WASHC2A: variants seen among roughly 807,000 people sequenced by gnomAD.
WASHC2A encodes WASH complex subunit 2A.
Under a neutral mutation model 140.3 loss-of-function variants are expected in WASHC2A, and 82 were observed. The observed-to-expected ratio is 0.58, with a 90% CI of 0.49 to 0.70. WASHC2A has a LOEUF of 0.70. WASHC2A is among the 30% of genes least tolerant of loss of function. WASHC2A has a pLI of 0.00. For missense variants in WASHC2A, 985 were observed against 1,521.8 expected (o/e 0.65, Z 5.87); for synonymous variants, 340 against 560.8 (o/e 0.61, Z 5.56).
rs782595391 is a variant in WASHC2A at position 50,068,127 on chromosome 10, A to G, written c.26A>G (p.Gln9Arg). Residue 9 changes from glutamine (Q) to arginine (R), a missense_variant, in exon 2 of 31, where the codon CAG becomes CGG. By Grantham distance (43) the Gln-to-Arg change is conservative. Coordinates refer to ENST00000282633, the MANE Select transcript of WASHC2A (RefSeq NM_001005751.3). ...CAGATGAACCGGACGACCCCCGACC[A>G]GGAGCTGGCGCCAGCGTCGGAGCCC... MMNRTTPD[Q>R]ELAPASEPVW... 6.2e-7 allele frequency: 1 copy of G among 1,604,774 alleles called. No homozygotes were observed. The highest frequency in any genetic ancestry group is 1.1e-5 in the South Asian group (1 of 90,790).
At chr10:50,090,516 ATAT>A (rs1233632865) in intron 8 of WASHC2A, among the ~76,000 whole-genome samples, 581 of 42,286 alleles carry the variant, frequency 0.014, 6 homozygotes, top group Non-Finnish European at 0.023. Flanking sequence ...AAAAAAAAAA[ATAT>A]ATATATATAT....
At chr10:50,102,034 T>G (rs1841246841) in intron 17 of WASHC2A, among the ~76,000 whole-genome samples, 1 of 152,200 alleles carries the variant, frequency 6.6e-6, no homozygotes, top group African/African-American at 2.4e-5. Context: ...GCTTCATTTG[T>G]TGGCCAAGAT....
chr10:50,074,402 A>G (rs1329837210), intron 3 of WASHC2A, among the ~76,000 whole-genome samples: 1 of 150,122 alleles, frequency 6.7e-6, no homozygotes, highest in Non-Finnish European at 1.5e-5. Context: ...ATAGGTAACC[A>G]TGGTAGCTGC....
At chr10:50,089,978 C>T (rs1407916006) in intron 8 of WASHC2A, among the ~76,000 whole-genome samples, 3 of 150,790 alleles carry the variant, frequency 2.0e-5, no homozygotes, top group African/African-American at 7.3e-5. Context: ...GGCGTGGTGG[C>T]GGGTGCCTGT....
Position 50,068,334 on chromosome 10 carries a change from G to A in WASHC2A, c.126+107G>A, listed in dbSNP as rs544895478. On this transcript the variant is annotated intron_variant, in intron 2 of 30. Coordinates refer to ENST00000282633, the MANE Select transcript of WASHC2A (RefSeq NM_001005751.3). ...CTGCACCTGGCCCGTCCCGTTGCCT[G>A]CCCTCTTAGGAACACACGCCCCGTT... 682 of 1,226,588 alleles carry A rather than the reference G, an allele frequency of 5.6e-4. 1 individual carries two copies. Among genetic ancestry groups the A allele is most frequent in the Non-Finnish European group, 6.7e-4 (611 of 909,672 alleles). The allele number at this position is 1,226,588 out of a possible 1,614,324, so 76.0% of individuals were successfully genotyped here.
At chr10:50,078,333 T>C (rs1481101676) in intron 3 of WASHC2A, among the ~76,000 whole-genome samples, 1 of 152,270 alleles carries the variant, frequency 6.6e-6, no homozygotes, top group Admixed American at 6.5e-5. Context: ...GTCAGAATAC[T>C]GTATCATTGC....
chr10:50,077,291 C>T (rs1838450788), intron 3 of WASHC2A, among the ~76,000 whole-genome samples: 1 of 151,800 alleles, frequency 6.6e-6, no homozygotes, highest in South Asian at 2.1e-4. Context: ...TAGACTCTGT[C>T]TCTAAATAAA....
rs1044636 is a variant in WASHC2A at position 50,133,002 on chromosome 10, G to A, written c.*57G>A. ...GCTACATTGTTGAGTTAGTGATGATGTTGTATATGCTGATGGTCTTAACTG... is the reference window on the plus strand; with the variant it reads ...GCTACATTGTTGAGTTAGTGATGATATTGTATATGCTGATGGTCTTAACTG... On this transcript the variant is annotated 3_prime_UTR_variant, in exon 31 of 31. Coordinates refer to ENST00000282633, the MANE Select transcript of WASHC2A (RefSeq NM_001005751.3). 9 of 1,611,700 alleles carry A rather than the reference G, an allele frequency of 5.6e-6. No homozygotes were observed. The highest frequency in any genetic ancestry group is 2.2e-4 in the Middle Eastern group (1 of 4,452).
Position 50,097,709 on chromosome 10 carries a change from C to T in WASHC2A, c.1455C>T (p.Asp485=), listed in dbSNP as rs1301619808. 87 of 1,599,064 alleles carry T rather than the reference C, an allele frequency of 5.4e-5. No homozygotes were observed. In the East Asian group the frequency reaches 6.9e-4, roughly 13 times the overall value. ...KVQSTADIFG[D]EEGDLFKEKA... ...AATCCACTGCCGATATCTTTGGTGA[C>T]GAAGAAGGAGATCTGTTCAAAGAAA... The change falls in exon 16 of 31, where the codon GAC becomes GAT. Residue 485 remains aspartate (D), a synonymous_variant. Coordinates refer to ENST00000282633, the MANE Select transcript of WASHC2A (RefSeq NM_001005751.3).
intron 27 of WASHC2A, 92 bp from the exon 28 acceptor site, chr10:50,127,491 A>G (rs1843536974): frequency 2.5e-6 from 4 of 1,611,960 alleles, no homozygotes; most frequent in Non-Finnish European, 2.5e-6. Context: ...CGTATTATAC[A>G]TTATGTGCAC....
intron 8 of WASHC2A, among the ~76,000 whole-genome samples, chr10:50,088,109 A>T (rs1247272154): frequency 4.6e-5 from 7 of 151,748 alleles, no homozygotes; most frequent in Admixed American, 1.3e-4. Flanking sequence ...GTGAGCCACC[A>T]TGCCTGGCCT....
chr10:50,125,668 A>G (rs1327233528), intron 25 of WASHC2A, among the ~76,000 whole-genome samples: 1 of 152,210 alleles, frequency 6.6e-6, no homozygotes, highest in Non-Finnish European at 1.5e-5. Context: ...TTAAAACATT[A>G]ATAATCCAGG....
chr10:50,075,768 G>C (rs10797293), intron 3 of WASHC2A, among the ~76,000 whole-genome samples: 27,701 of 151,464 alleles, frequency 0.18, 3,147 homozygotes, highest in East Asian at 0.58. Context: ...TTTCTCTGCT[G>C]TTTGCCAGTA....
chr10:50,129,648 G>T lies in WASHC2A; in HGVS notation c.3317G>T (p.Gly1106Val), dbSNP rs1412402899. The T allele has an allele frequency of 6.8e-6, 11 of 1,611,972 alleles. No individual in the cohort carries two copies. The Admixed American group carries it at 1.8e-4, about 27-fold the overall frequency. The change falls in exon 29 of 31, where the codon GGT becomes GTT. Residue 1106 changes from glycine to valine, a missense_variant. Gly to Val is a moderately radical substitution (Grantham distance 109). Transcript: ENST00000282633. ...LAAAAAPWEG[G>V]PVPGVDRSPF... ...GCTGCCGCTGCACCTTGGGAAGGTG[G>T]TCCTGTGCCTGGAGTGGACAGAAGC...
At chr10:50,091,986 T>C (rs1480145393) in intron 10 of WASHC2A, among the ~76,000 whole-genome samples, 176 bp from the exon 11 acceptor site, 4 of 152,228 alleles carry the variant, frequency 2.6e-5, no homozygotes, top group African/African-American at 4.8e-5. Context: ...ACAAAGAGAC[T>C]CTTGAGTGCC....
intron 30 of WASHC2A, among the ~76,000 whole-genome samples, chr10:50,131,683 C>A (rs1843986756): frequency 6.6e-6 from 1 of 152,166 alleles, no homozygotes; most frequent in Non-Finnish European, 1.5e-5. Context: ...GGGCTGAGGC[C>A]ACATACACAT....
At chr10:50,090,141 C>T (rs1374860680) in intron 8 of WASHC2A, among the ~76,000 whole-genome samples, 2 of 151,798 alleles carry the variant, frequency 1.3e-5, no homozygotes, top group African/African-American at 4.8e-5. Flanking sequence ...AAATATTTCT[C>T]TAGTAAGCCA....
chr10:50,101,658 G>A (rs1554886836), intron 17 of WASHC2A, among the ~76,000 whole-genome samples: 3 of 152,254 alleles, frequency 2.0e-5, no homozygotes, highest in African/African-American at 7.2e-5. Flanking sequence ...AGTGACTTAC[G>A]AGATGTTCTG....
chr10:50,097,416 T>C (rs1235832459), intron 15 of WASHC2A, among the ~76,000 whole-genome samples: 2,845 of 148,788 alleles, frequency 0.019, 81 homozygotes, highest in African/African-American at 0.066. Context: ...CTACTCTAAG[T>C]ACAGGAAATG....
Sources: allele counts gnomAD v4.1 joint callset (sites outside exome capture counted in the v4.1 genomes callset), GRCh38; gene constraint gnomAD v4.1.1; transcripts MANE v1.5; gene names NCBI Gene and HGNC (gene_info 2026-07-23, HGNC 2026-07-21).